NOS1AP: variants seen among roughly 807,000 people sequenced by gnomAD.
NOS1AP encodes carboxyl-terminal PDZ ligand of neuronal nitric oxide synthase protein.
In NOS1AP, 21 loss-of-function variants were observed where a neutral mutation model predicts 56.2. That is an observed-to-expected ratio of 0.37 (90% confidence interval 0.26 to 0.54). The LOEUF is 0.54. NOS1AP is among the 20% of genes least tolerant of loss of function. NOS1AP has a pLI of 0.84. For missense variants in NOS1AP, 522 were observed against 657.8 expected, an observed-to-expected ratio of 0.79 and a Z score of 2.26; for synonymous variants, 270 against 274.6, an observed-to-expected ratio of 0.98 and a Z score of 0.17.
At chr1:162,348,825 G>A (rs1571236288) in intron 6 of NOS1AP, among the ~76,000 whole-genome samples, 1 of 152,324 alleles carries the variant, frequency 6.6e-6, no homozygotes, top group East Asian at 1.9e-4. Context: ...GAAAGACAGA[G>A]ATGGCTCATG....
chr1:162,306,963 C>CAAAAAA (rs5778264), intron 4 of NOS1AP, among the ~76,000 whole-genome samples: 1 of 142,152 alleles, frequency 7.0e-6, no homozygotes. Flanking sequence ...ACTTTTGTCT[C>CAAAAAA]AAAAAAAAAA....
chr1:162,185,247 C>T (rs374977191), intron 2 of NOS1AP, among the ~76,000 whole-genome samples: 1 of 152,222 alleles, frequency 6.6e-6, no homozygotes, highest in Non-Finnish European at 1.5e-5. Flanking sequence ...AATTTAATCA[C>T]ACCTGCCAAG....
At chr1:162,306,355 A>C (rs1395543905) in intron 4 of NOS1AP, among the ~76,000 whole-genome samples, 1 of 152,160 alleles carries the variant, frequency 6.6e-6, no homozygotes, top group African/African-American at 2.4e-5. Context: ...AGGTATAGAG[A>C]AAAGTGAGGA....
chr1:162,365,533 C>A lies in NOS1AP; in HGVS notation c.1069C>A (p.Gln357Lys). ...CATCTCCCTGCTGGTCAAGCAGGTG[C>A]AAGAGCTGGAACTGAAGCTGTCAGG... Reference protein sequence around the residue: ...QHISLLVKQVQELELKLSGQN... With the variant: ...QHISLLVKQVKELELKLSGQN... Residue 357 changes from glutamine to lysine, a missense_variant, in exon 9 of 10, where the codon CAA becomes AAA. Physicochemically the swap from Gln to Lys is moderately conservative, Grantham distance 53. Coordinates refer to ENST00000361897, the MANE Select transcript of NOS1AP (RefSeq NM_014697.3). 1.9e-6 allele frequency: 3 copies of A among 1,613,282 alleles called. No homozygotes were observed. The highest frequency in any genetic ancestry group is 2.5e-6 in the Non-Finnish European group (3 of 1,180,034).
intron 2 of NOS1AP, among the ~76,000 whole-genome samples, chr1:162,184,546 A>G (rs1000314371): frequency 2.6e-5 from 4 of 152,214 alleles, no homozygotes; most frequent in Non-Finnish European, 5.9e-5. Context: ...GTATTTTTAC[A>G]TTGTTACTGC....
chr1:162,319,182 A>C (rs913472589), intron 4 of NOS1AP, among the ~76,000 whole-genome samples: 3 of 152,128 alleles, frequency 2.0e-5, no homozygotes, highest in African/African-American at 7.2e-5. Flanking sequence ...GAGAAAACTA[A>C]AACTTGAGCA....
At chr1:162,229,675 G>A (rs557469814) in intron 2 of NOS1AP, among the ~76,000 whole-genome samples, 1 of 152,258 alleles carries the variant, frequency 6.6e-6, no homozygotes, top group East Asian at 1.9e-4. Context: ...ATAAATGTTT[G>A]TTGAATGAAT....
intron 6 of NOS1AP, among the ~76,000 whole-genome samples, chr1:162,350,118 T>C (rs1227822425): frequency 2.0e-5 from 3 of 152,220 alleles, no homozygotes; most frequent in Admixed American, 6.5e-5. Context: ...GTTGTTTTTT[T>C]TACGAGAATC....
chr1:162,273,160 C>CTTTTTTTTT (rs11429407), intron 2 of NOS1AP, among the ~76,000 whole-genome samples: 3 of 106,222 alleles, frequency 2.8e-5, no homozygotes, highest in Admixed American at 2.2e-4. Flanking sequence ...AGCCCTTGTT[C>CTTTTTTTTT]TTTTTTTTTT....
intron 5 of NOS1AP, among the ~76,000 whole-genome samples, chr1:162,342,226 G>GA (rs532847116): frequency 6.6e-6 from 1 of 152,348 alleles, no homozygotes; most frequent in South Asian, 2.1e-4. Context: ...TCAGGTGAGA[G>GA]ACCAATGGAG....
intron 2 of NOS1AP, among the ~76,000 whole-genome samples, chr1:162,227,466 G>A (rs1051364994): frequency 1.1e-4 from 17 of 152,192 alleles, no homozygotes; most frequent in Non-Finnish European, 2.2e-4. Context: ...AGTGCACTTA[G>A]CACATGACAG....
chr1:162,217,267 C>CTTTTTTT lies in NOS1AP; in HGVS notation c.177+62799_177+62805dup, dbSNP rs61378473. The stretch of plus-strand genomic sequence containing the variant: ...TGGGTCCTGAAACAGCTGTTGTTAG[C>CTTTTTTT]TTTTTTTTTTTTTTGAGATGAAGTC... On this transcript the variant is annotated intron_variant, in intron 2 of 9. Coordinates refer to ENST00000361897, the MANE Select transcript of NOS1AP (RefSeq NM_014697.3). Among the ~76,000 whole-genome samples the CTTTTTTT allele has an allele frequency of 1.1e-3, 73 of 68,398 alleles. 18 individuals carry two copies. The highest frequency in any genetic ancestry group is 3.5e-3 in the African/African-American group (60 of 16,950). 44.9% of individuals were successfully genotyped at this position (68,398 alleles called of 152,430 possible). A position where few individuals can be genotyped will look rare whatever the true frequency, so the allele number is the denominator to read the frequency against.
intron 2 of NOS1AP, among the ~76,000 whole-genome samples, chr1:162,249,881 T>G (rs1653793382): frequency 1.3e-5 from 2 of 152,186 alleles, no homozygotes; most frequent in Non-Finnish European, 2.9e-5. Context: ...GGGGACAACT[T>G]CCCTGAAGAA....
chr1:162,177,792 A>T (rs1651116462), intron 2 of NOS1AP, among the ~76,000 whole-genome samples: 7 of 152,202 alleles, frequency 4.6e-5, no homozygotes, highest in Admixed American at 4.6e-4. Context: ...CACTTTAAAC[A>T]TTCCACACCA....
At chr1:162,247,909 A>C (rs1653719252) in intron 2 of NOS1AP, among the ~76,000 whole-genome samples, 1 of 152,202 alleles carries the variant, frequency 6.6e-6, no homozygotes, top group Admixed American at 6.5e-5. Flanking sequence ...TCAAGGTCAC[A>C]GTAATTGGTT....
intron 1 of NOS1AP, among the ~76,000 whole-genome samples, chr1:162,124,585 C>T (rs113789758): frequency 8.6e-5 from 13 of 151,924 alleles, no homozygotes; most frequent in African/African-American, 2.7e-4. Flanking sequence ...TGCAGTGGCA[C>T]GATCTTGGCT....
chr1:162,216,341 A>G (rs1013051135), intron 2 of NOS1AP, among the ~76,000 whole-genome samples: 4 of 152,212 alleles, frequency 2.6e-5, no homozygotes, highest in Admixed American at 1.3e-4. Flanking sequence ...TGGAGGTTGT[A>G]TTAGGATCCA....
At chr1:162,173,485 A>G (rs1389972965) in intron 2 of NOS1AP, among the ~76,000 whole-genome samples, 2 of 152,220 alleles carry the variant, frequency 1.3e-5, no homozygotes, top group African/African-American at 4.8e-5. Context: ...AACCTAGGCA[A>G]TACCATTCAG....
intron 1 of NOS1AP, among the ~76,000 whole-genome samples, chr1:162,153,978 T>TG (rs1436306032): frequency 6.6e-6 from 1 of 152,040 alleles, no homozygotes; most frequent in Non-Finnish European, 1.5e-5. Flanking sequence ...TTCTTTTTTT[T>TG]TTTTTTTTGA....
Sources: gnomAD v4.1 joint callset for allele counts (sites outside exome capture counted in the v4.1 genomes callset) on GRCh38, gnomAD v4.1.1 for gene constraint, MANE v1.5 for transcripts, NCBI Gene and HGNC (gene_info 2026-07-23, HGNC 2026-07-21) for gene names.